Variants in ARHGEF4 observed in about 807,000 individuals in gnomAD.
The protein encoded by ARHGEF4 is Rho guanine nucleotide exchange factor 4.
ARHGEF4 carries 119 observed loss-of-function variants against 162.0 expected under a neutral mutation model. That is an observed-to-expected ratio of 0.73 (90% CI 0.63 to 0.86). ARHGEF4 has a LOEUF of 0.86. ARHGEF4 is among the 40% of genes least tolerant of loss of function. The pLI is 0.00. For missense variants in ARHGEF4, 2,488 were observed against 2,456.0 expected (o/e 1.01, Z -0.28); for synonymous variants, 1,014 against 979.9 (o/e 1.03, Z -0.65).
At chr2:130,922,374 A>G (rs960140788) in intron 2 of ARHGEF4, among the ~76,000 whole-genome samples, 1 of 151,816 alleles carries the variant, frequency 6.6e-6, no homozygotes, top group Admixed American at 6.6e-5. Flanking sequence ...TCTGTCTCAA[A>G]AAAAAAAAAA....
At chr2:130,924,652 G>A (rs1442168715) in intron 2 of ARHGEF4, among the ~76,000 whole-genome samples, 2 of 152,142 alleles carry the variant, frequency 1.3e-5, no homozygotes, top group African/African-American at 2.4e-5. Flanking sequence ...TTGATTCCAG[G>A]GGAAGCAGGC....
chr2:130,917,242 C>G lies in ARHGEF4; in HGVS notation c.3296C>G (p.Pro1099Arg). ...AGCCCCAAGCCCCTGAGTCCCAGGC[C>G]TAGTGCTCAGCGGATGGGTCTCCAC... ...PTSPKPLSPR[P>R]SAQRMGLHYP... Residue 1099 changes from proline to arginine, a missense_variant, in exon 2 of 14, where the codon CCT (proline) becomes CGT (arginine). By Grantham distance (103) the Pro-to-Arg change is moderately radical (BLOSUM62 -2). This residue lies in a region of ARHGEF4 where 1,642 missense variants were observed against 1,481.5 expected (regional missense o/e 1.11). Coordinates refer to ENST00000409359, the MANE Select transcript of ARHGEF4 (RefSeq NM_001367493.1). 6.4e-7 allele frequency: 1 copy of G among 1,550,520 alleles called. No individual in the cohort carries two copies. The highest frequency in any genetic ancestry group is 8.7e-7 in the Non-Finnish European group (1 of 1,146,976).
At chr2:130,871,532 G>T (rs565573398) in intron 1 of ARHGEF4, among the ~76,000 whole-genome samples, 1 of 150,076 alleles carries the variant, frequency 6.7e-6, no homozygotes, top group Non-Finnish European at 1.5e-5. Flanking sequence ...GCAAAACTCC[G>T]TCTCAAAAAA....
chr2:130,956,849 A>C (rs1386598534), intron 4 of ARHGEF4, among the ~76,000 whole-genome samples: 2 of 151,580 alleles, frequency 1.3e-5, no homozygotes, highest in Admixed American at 6.6e-5. Context: ...GGATAGCATT[A>C]GGAGATAGAC....
In ARHGEF4 at chr2:130,915,108, G is replaced by A; in HGVS notation, c.1162G>A (p.Gly388Ser). 2 of 1,550,698 alleles carry A rather than the reference G, an allele frequency of 1.3e-6. No homozygotes were observed. The highest frequency in any genetic ancestry group is 1.7e-6 in the Non-Finnish European group (2 of 1,147,030). ...IPSPAPTQLS[G>S]PIPAFQSGAP... Reference sequence around the variant, plus strand: ...TTCCCCTGCACCCACCCAGCTGTCTGGCCCGATTCCTGCTTTTCAGAGTGG... The same window carrying A: ...TTCCCCTGCACCCACCCAGCTGTCTAGCCCGATTCCTGCTTTTCAGAGTGG... Residue 388 changes from glycine to serine, a missense_variant, in exon 2 of 14, where the codon GGC becomes AGC. Physicochemically the swap from Gly to Ser is moderately conservative, Grantham distance 56 (BLOSUM62 0). Transcript: ENST00000409359.
In ARHGEF4 at chr2:130,845,248, G is replaced by A. The variant is rs150741676; in HGVS notation, c.39+8256G>A. ...AGAAAGTGAGTTTTTGGCCGGGCAC[G>A]GTGGCTCACACCTGTAATCCCAGCA... On this transcript the variant is annotated intron_variant, in intron 1 of 13. Coordinates refer to ENST00000409359, the MANE Select transcript of ARHGEF4 (RefSeq NM_001367493.1). 6.6e-3 allele frequency among the ~76,000 whole-genome samples: 1,009 copies of A among 151,900 alleles called. 37 individuals are homozygous for A. Among genetic ancestry groups the A allele is most frequent in the Admixed American group, 0.049 (743 of 15,286 alleles).
intron 4 of ARHGEF4, among the ~76,000 whole-genome samples, chr2:130,980,941 T>C (rs1214153744): frequency 6.6e-6 from 1 of 152,240 alleles, no homozygotes; most frequent in African/African-American, 2.4e-5. Context: ...GGAAAAGATC[T>C]GAAACCAACT....
intron 1 of ARHGEF4, among the ~76,000 whole-genome samples, chr2:130,906,091 TC>T (rs1197353240): frequency 1.3e-5 from 2 of 152,230 alleles, no homozygotes; most frequent in African/African-American, 4.8e-5. Context: ...CTTCAGGAGC[TC>T]CCATCCTTAT....
chr2:130,935,397 T>G (rs1025464184), intron 3 of ARHGEF4, among the ~76,000 whole-genome samples: 7 of 152,182 alleles, frequency 4.6e-5, no homozygotes, highest in African/African-American at 1.7e-4. Context: ...ATTATTTTCT[T>G]CCATCTATTA....
At chr2:130,988,199 CCTGGG>C (rs1686649036) in intron 4 of ARHGEF4, among the ~76,000 whole-genome samples, 1 of 152,184 alleles carries the variant, frequency 6.6e-6, no homozygotes, top group Non-Finnish European at 1.5e-5. Flanking sequence ...CGGTGAGTGC[CCTGGG>C]AGTCTGGCAG....
intron 4 of ARHGEF4, among the ~76,000 whole-genome samples, chr2:130,982,451 T>C (rs1446252537): frequency 6.6e-5 from 10 of 152,184 alleles, no homozygotes; most frequent in Non-Finnish European, 1.2e-4. Flanking sequence ...TGCATGAAGA[T>C]AGACACACAG....
intron 4 of ARHGEF4, among the ~76,000 whole-genome samples, chr2:130,999,588 CT>C (rs1174562729): frequency 1.3e-5 from 2 of 152,148 alleles, no homozygotes; most frequent in African/African-American, 4.8e-5. Context: ...AAACTCCTAT[CT>C]TTTTGTAGAT....
intron 4 of ARHGEF4, among the ~76,000 whole-genome samples, chr2:131,027,214 T>C (rs539057549): frequency 5.9e-5 from 9 of 152,294 alleles, no homozygotes; most frequent in Non-Finnish European, 1.0e-4. Flanking sequence ...CACAAGACTG[T>C]GTGGCAGTGA....
rs3739127 is a variant in ARHGEF4 at position 130,916,712 on chromosome 2, A to T, written c.2766A>T (p.Ser922=). 3 of 1,550,390 alleles carry T rather than the reference A, an allele frequency of 1.9e-6. No homozygotes were observed. The Admixed American group carries it at 5.9e-5, about 30-fold the overall frequency. The change falls in exon 2 of 14, where the codon TCA becomes TCT. Residue 922 remains serine, a synonymous_variant. Transcript: ENST00000409359. ...AHKTFSNFIE[S]IVLEKENTHE... ...AGACCTTTTCAAACTTTATTGAGTC[A>T]ATAGTTCTAGAGAAAGAGAACACCC...
intron 2 of ARHGEF4, among the ~76,000 whole-genome samples, chr2:130,920,697 T>A (rs1416807994): frequency 6.6e-6 from 1 of 152,214 alleles, no homozygotes; most frequent in Non-Finnish European, 1.5e-5. Flanking sequence ...TCCCACTTCG[T>A]ATTAAGGAGC....
At chr2:130,837,629 C>G in intron 1 of ARHGEF4, 1 of 451,132 alleles carries the variant, frequency 2.2e-6, no homozygotes, top group South Asian at 1.6e-5. Flanking sequence ...CACAGGAACC[C>G]CAAGATGGGC....
In ARHGEF4 at chr2:130,927,940, T is replaced by C. The variant is rs147707021; in HGVS notation, c.3553-3012T>C. ...TTTTTCATAGCATACTGTTCTTGTT[T>C]AATGATTTCAGTGTCTTCCTTTTTC... On this transcript the variant is annotated intron_variant, in intron 2 of 13. Coordinates refer to ENST00000409359, the MANE Select transcript of ARHGEF4 (RefSeq NM_001367493.1). 1.8e-4 allele frequency among the ~76,000 whole-genome samples: 28 copies of C among 152,338 alleles called. No individual in the cohort carries two copies. The East Asian group carries it at 5.2e-3, about 28-fold the overall frequency.
rs1681551805 is a variant in ARHGEF4 at position 130,917,170 on chromosome 2, C to T, written c.3224C>T (p.Ala1075Val). The part of the protein sequence containing the change: ...GIAHTLPSSS[A>V]CCLAYENPGT... ...GCACACACCCTGCCTTCCAGCTCTG[C>T]CTGCTGCCTGGCATATGAAAACCCC... Residue 1075 changes from alanine (A) to valine (V), a missense_variant, in exon 2 of 14, where the codon GCC becomes GTC. Around this residue, in one of 6 missense-constraint regions of ARHGEF4, gnomAD observed 1,642 missense variants for 1,481.5 expected, o/e 1.11. Coordinates refer to ENST00000409359, the MANE Select transcript of ARHGEF4 (RefSeq NM_001367493.1). 1.3e-6 allele frequency: 2 copies of T among 1,550,430 alleles called. No individual in the cohort carries two copies. Among genetic ancestry groups the T allele is most frequent in the African/African-American group, 1.4e-5 (1 of 73,026 alleles).
At chr2:130,875,621 C>T (rs556082991) in intron 1 of ARHGEF4, among the ~76,000 whole-genome samples, 22 of 152,284 alleles carry the variant, frequency 1.4e-4, no homozygotes, top group Non-Finnish European at 2.5e-4. Flanking sequence ...CCTAGTCCCT[C>T]TAGAGCAGCA....
Sources: allele counts gnomAD v4.1 joint callset (sites outside exome capture counted in the v4.1 genomes callset), GRCh38; gene constraint gnomAD v4.1.1; regional missense constraint gnomAD v4.1.1; transcripts MANE v1.5; gene names NCBI Gene and HGNC (gene_info 2026-07-23, HGNC 2026-07-21).